Variants in CNTNAP5 observed in about 807,000 individuals in gnomAD.
CNTNAP5 encodes contactin associated protein family member 5.
CNTNAP5 carries 72 observed loss-of-function variants against 150.2 expected under a neutral mutation model. The ratio of observed to expected loss-of-function variants is 0.48; its 90% confidence interval spans 0.40 to 0.58. The LOEUF is 0.58. Among genes scored for constraint, CNTNAP5 ranks in the 20% least tolerant of loss-of-function variants. CNTNAP5 has a pLI of 0.00. For synonymous variants in CNTNAP5, 672 were observed against 619.8 expected (o/e 1.08, Z -1.25); for missense variants, 1,636 against 1,626.2 (o/e 1.01, Z -0.10).
intron 3 of CNTNAP5, among the ~76,000 whole-genome samples, chr2:124,341,278 G>C (rs542416696): frequency 2.6e-5 from 4 of 152,104 alleles, no homozygotes; most frequent in Non-Finnish European, 5.9e-5. Flanking sequence ...GTTGGGTGGA[G>C]TACTCAGAAA....
chr2:124,768,492 T>A (rs749718004), intron 16 of CNTNAP5, among the ~76,000 whole-genome samples: 2 of 152,130 alleles, frequency 1.3e-5, no homozygotes, highest in African/African-American at 2.4e-5. Flanking sequence ...TAATTACACT[T>A]TTGTTGAATT....
At chr2:124,548,743 A>C (rs960687966) in intron 10 of CNTNAP5, among the ~76,000 whole-genome samples, 1 of 152,226 alleles carries the variant, frequency 6.6e-6, no homozygotes, top group Non-Finnish European at 1.5e-5. Flanking sequence ...AAGAGTTCAC[A>C]GTTACTTACA....
intron 1 of CNTNAP5, among the ~76,000 whole-genome samples, chr2:124,100,721 C>T (rs1413799562): frequency 6.6e-6 from 1 of 151,858 alleles, no homozygotes; most frequent in Non-Finnish European, 1.5e-5. Context: ...AAAAATTAGC[C>T]AGGCATGGTG....
intron 13 of CNTNAP5, among the ~76,000 whole-genome samples, chr2:124,715,235 T>C (rs12472869): frequency 0.16 from 24,742 of 152,130 alleles, 2,285 homozygotes; most frequent in East Asian, 0.24. Context: ...GGGCTAACCA[T>C]TGAGGATATA....
At chr2:124,078,528 T>G (rs1421404734) in intron 1 of CNTNAP5, among the ~76,000 whole-genome samples, 3 of 152,338 alleles carry the variant, frequency 2.0e-5, no homozygotes, top group Admixed American at 2.0e-4. Flanking sequence ...AAATTATGAC[T>G]TGGCCTAAAT....
chr2:124,787,151 A>T (rs186047271), intron 17 of CNTNAP5, among the ~76,000 whole-genome samples: 1 of 152,356 alleles, frequency 6.6e-6, no homozygotes, highest in East Asian at 1.9e-4. Context: ...TAGATCTTGC[A>T]TTCTTCACTT....
Position 124,660,281 on chromosome 2 carries a change from G to A in CNTNAP5, c.2077+12323G>A, listed in dbSNP as rs542324634. Among the ~76,000 whole-genome samples the A allele has an allele frequency of 3.0e-4, 46 of 152,238 alleles. 1 individual carries two copies. In the South Asian group the frequency reaches 9.1e-3, roughly 30 times the overall value. Reference sequence around the variant, plus strand: ...AGGCTAGGTAGGCATCTATCTTAGCGGTCTAGGGAAGAGTTAAAAAGCATG... The same window carrying A: ...AGGCTAGGTAGGCATCTATCTTAGCAGTCTAGGGAAGAGTTAAAAAGCATG... On this transcript the variant is annotated intron_variant, in intron 13 of 23. Coordinates refer to ENST00000682447, the MANE Select transcript of CNTNAP5 (RefSeq NM_001367498.1).
chr2:124,409,125 A>T lies in CNTNAP5; in HGVS notation c.382-8318A>T, dbSNP rs1160757607. On this transcript the variant is annotated intron_variant, in intron 3 of 23. Transcript: ENST00000682447. ...AGGAGCCGATGCGATCAACTGGAAG[A>T]AAGGGTATCAGCAATGGAAGATGAA... 2.7e-5 allele frequency among the ~76,000 whole-genome samples: 4 copies of T among 146,230 alleles called. No individual in the cohort carries two copies. The Admixed American group carries it at 2.8e-4, about 10-fold the overall frequency.
intron 10 of CNTNAP5, among the ~76,000 whole-genome samples, chr2:124,548,349 C>T (rs552759971): frequency 1.3e-5 from 2 of 152,248 alleles, no homozygotes; most frequent in African/African-American, 4.8e-5. Flanking sequence ...TACCACTGAG[C>T]GTGGCTTAGG....
At chr2:124,106,329 C>T (rs1683172309) in intron 1 of CNTNAP5, among the ~76,000 whole-genome samples, 1 of 152,162 alleles carries the variant, frequency 6.6e-6, no homozygotes, top group Non-Finnish European at 1.5e-5. Flanking sequence ...GCTGGAGCAC[C>T]CTGGATAGAT....
In CNTNAP5 at chr2:124,187,824, G is replaced by C. The variant is rs77575818; in HGVS notation, c.83-33881G>C. On this transcript the variant is annotated intron_variant, in intron 1 of 23. Transcript: ENST00000682447. The stretch of plus-strand genomic sequence containing the variant: ...CTGATGACTAAAACAATTTTACCAG[G>C]GGATAAGATTTCATTTCAAATCCGA... 5.1e-4 allele frequency among the ~76,000 whole-genome samples: 77 copies of C among 152,168 alleles called. No individual in the cohort carries two copies. In the East Asian group the frequency reaches 0.014, roughly 29 times the overall value.
At chr2:124,388,027 C>T (rs1309630890) in intron 3 of CNTNAP5, among the ~76,000 whole-genome samples, 4 of 152,178 alleles carry the variant, frequency 2.6e-5, no homozygotes, top group African/African-American at 4.8e-5. Context: ...AGCCACCTCT[C>T]CTCATAGGCT....
chr2:124,091,127 A>G (rs1391368323), intron 1 of CNTNAP5, among the ~76,000 whole-genome samples: 1 of 152,216 alleles, frequency 6.6e-6, no homozygotes, highest in Non-Finnish European at 1.5e-5. Context: ...AGTACAGACC[A>G]GTCTGATCAG....
At chr2:124,735,950 G>T (rs1437951009) in intron 13 of CNTNAP5, among the ~76,000 whole-genome samples, 1 of 152,120 alleles carries the variant, frequency 6.6e-6, no homozygotes, top group Non-Finnish European at 1.5e-5. Flanking sequence ...ATGACTTTAT[G>T]CTGGGCACGG....
At chr2:124,264,481 C>T (rs140176837) in intron 3 of CNTNAP5, among the ~76,000 whole-genome samples, 27 of 151,884 alleles carry the variant, frequency 1.8e-4, no homozygotes, top group Non-Finnish European at 2.9e-4. Flanking sequence ...CACCAGAACT[C>T]GGACAGTTGA....
At chr2:124,292,008 C>T (rs1688307121) in intron 3 of CNTNAP5, among the ~76,000 whole-genome samples, 1 of 152,008 alleles carries the variant, frequency 6.6e-6, no homozygotes, top group South Asian at 2.1e-4. Context: ...CCCAGCTTTG[C>T]CCAAGTCTAC....
intron 13 of CNTNAP5, among the ~76,000 whole-genome samples, chr2:124,667,279 G>C (rs1384569680): frequency 6.6e-6 from 1 of 152,218 alleles, no homozygotes; most frequent in Non-Finnish European, 1.5e-5. Flanking sequence ...TGGCTGCTCT[G>C]TGCAATCTCA....
At chr2:124,112,451 G>A (rs1250573387) in intron 1 of CNTNAP5, among the ~76,000 whole-genome samples, 1 of 152,122 alleles carries the variant, frequency 6.6e-6, no homozygotes, top group Non-Finnish European at 1.5e-5. Context: ...AGATAGGATG[G>A]CTGTTAGTTT....
At chr2:124,551,732 T>A (rs1175285498) in intron 10 of CNTNAP5, among the ~76,000 whole-genome samples, 1 of 152,206 alleles carries the variant, frequency 6.6e-6, no homozygotes, top group East Asian at 1.9e-4. Flanking sequence ...GTATAGAGAA[T>A]CATTTATCTG....
Sources: gnomAD v4.1 joint callset for allele counts (sites outside exome capture counted in the v4.1 genomes callset) on GRCh38, gnomAD v4.1.1 for gene constraint, MANE v1.5 for transcripts, NCBI Gene and HGNC (gene_info 2026-07-23, HGNC 2026-07-21) for gene names.